Variants in GALNT17 observed in about 807,000 individuals in gnomAD.
GALNT17 encodes the protein polypeptide N-acetylgalactosaminyltransferase 17.
GALNT17 carries 29 observed loss-of-function variants against 63.7 expected under a neutral mutation model. That is an observed-to-expected ratio of 0.46 (90% CI 0.34 to 0.62). The LOEUF (loss-of-function observed/expected upper bound fraction) is 0.62, where lower values mean the gene tolerates loss of function less well. Ranked by LOEUF, GALNT17 falls within the 20% of genes least tolerant of loss-of-function variation. GALNT17 has a pLI of 0.01. For missense variants in GALNT17, 603 were observed against 799.6 expected (o/e 0.75, Z 2.97); for synonymous variants, 305 against 318.3 (o/e 0.96, Z 0.45).
At chr7:71,500,390 G>C (rs985745307) in intron 5 of GALNT17, among the ~76,000 whole-genome samples, 5 of 152,174 alleles carry the variant, frequency 3.3e-5, no homozygotes, top group African/African-American at 1.2e-4. Flanking sequence ...AGCTGAGGCA[G>C]ACCCTATTCG....
chr7:71,336,488 C>T (rs768597274), intron 2 of GALNT17, among the ~76,000 whole-genome samples: 27 of 152,154 alleles, frequency 1.8e-4, no homozygotes, highest in Admixed American at 3.3e-4. Context: ...GATTCTTACC[C>T]TTCTCCCTCC....
At chr7:71,444,725 G>T (rs1046612947) in intron 5 of GALNT17, among the ~76,000 whole-genome samples, 3 of 152,124 alleles carry the variant, frequency 2.0e-5, no homozygotes, top group Middle Eastern at 3.2e-3. Context: ...TACTCAGGAG[G>T]CTGAGGCAAG....
At chr7:71,507,282 A>G (rs533968976) in intron 5 of GALNT17, among the ~76,000 whole-genome samples, 3 of 152,322 alleles carry the variant, frequency 2.0e-5, no homozygotes, top group Non-Finnish European at 4.4e-5. Context: ...TCAACGCACC[A>G]AAAAGTCTAC....
At chr7:71,380,623 T>G (rs892181710) in intron 2 of GALNT17, among the ~76,000 whole-genome samples, 12 of 152,016 alleles carry the variant, frequency 7.9e-5, no homozygotes, top group South Asian at 4.2e-4. Context: ...ACCAACCCAG[T>G]TTTTTTACTT....
At chr7:71,322,054 C>G (rs1563001540) in intron 1 of GALNT17, among the ~76,000 whole-genome samples, 1 of 151,288 alleles carries the variant, frequency 6.6e-6, no homozygotes, top group Non-Finnish European at 1.5e-5. Flanking sequence ...TGAGCTTAAG[C>G]AGCTCTCTCA....
At chr7:71,292,664 AGAGAGTGT>A (rs67028852) in intron 1 of GALNT17, among the ~76,000 whole-genome samples, 6,933 of 113,496 alleles carry the variant, frequency 0.061, 161 homozygotes, top group Non-Finnish European at 0.076. Context: ...AGAGAGAGAG[AGAGAGTGT>A]GTGTGTGTGT....
At chr7:71,146,490 G>C (rs1426615318) in intron 1 of GALNT17, among the ~76,000 whole-genome samples, 2 of 152,184 alleles carry the variant, frequency 1.3e-5, no homozygotes, top group Admixed American at 1.3e-4. Flanking sequence ...CCACAAAGAA[G>C]CAGATAAATT....
At chr7:71,257,298 T>C (rs902011433) in intron 1 of GALNT17, among the ~76,000 whole-genome samples, 1 of 152,188 alleles carries the variant, frequency 6.6e-6, no homozygotes, top group African/African-American at 2.4e-5. Flanking sequence ...TAATTAACCA[T>C]CTGGAACAGA....
At chr7:71,555,226 T>C (rs1014336738) in intron 5 of GALNT17, among the ~76,000 whole-genome samples, 1 of 139,804 alleles carries the variant, frequency 7.2e-6, no homozygotes, top group Non-Finnish European at 1.6e-5. Flanking sequence ...TCACATTTCA[T>C]CATGAGATTT....
chr7:71,630,744 A>G (rs1235234110), intron 6 of GALNT17, among the ~76,000 whole-genome samples: 1 of 152,256 alleles, frequency 6.6e-6, no homozygotes, highest in African/African-American at 2.4e-5. Context: ...GAATTCAGCA[A>G]GAGCTGAAAA....
chr7:71,187,189 A>C (rs1031057829), intron 1 of GALNT17, among the ~76,000 whole-genome samples: 1 of 152,082 alleles, frequency 6.6e-6, no homozygotes, highest in African/African-American at 2.4e-5. Context: ...GCAGGATCAT[A>C]AGTCACTGCA....
chr7:71,613,651 G>A (rs934812288), intron 6 of GALNT17, among the ~76,000 whole-genome samples: 2 of 152,066 alleles, frequency 1.3e-5, no homozygotes, highest in Non-Finnish European at 2.9e-5. Flanking sequence ...CTCTGTCTTT[G>A]TTGGCTCCAG....
At chr7:71,390,037 T>C (rs953511792) in intron 3 of GALNT17, among the ~76,000 whole-genome samples, 3 of 152,112 alleles carry the variant, frequency 2.0e-5, no homozygotes, top group Non-Finnish European at 4.4e-5. Flanking sequence ...CAAAATTCAG[T>C]GTGCTCACTG....
chr7:71,370,553 C>T (rs567119218), intron 2 of GALNT17, among the ~76,000 whole-genome samples: 5 of 151,250 alleles, frequency 3.3e-5, no homozygotes, highest in South Asian at 4.2e-4. Flanking sequence ...TGTGTGATCT[C>T]GGCTCACTGC....
intron 1 of GALNT17, among the ~76,000 whole-genome samples, chr7:71,234,352 C>T (rs1248842448): frequency 6.6e-6 from 1 of 152,110 alleles, no homozygotes; most frequent in Non-Finnish European, 1.5e-5. Context: ...ACCTCTGCCT[C>T]CCAGGTTCAA....
intron 1 of GALNT17, among the ~76,000 whole-genome samples, chr7:71,333,987 G>A (rs1053639214): frequency 6.6e-6 from 1 of 152,176 alleles, no homozygotes; most frequent in Admixed American, 6.5e-5. Context: ...ACATCAGTGT[G>A]GAAGCAGATT....
intron 5 of GALNT17, among the ~76,000 whole-genome samples, chr7:71,570,309 T>C (rs1215544453): frequency 6.6e-6 from 1 of 152,182 alleles, no homozygotes; most frequent in Non-Finnish European, 1.5e-5. Flanking sequence ...TTGCCATTTA[T>C]GATGGATACC....
intron 1 of GALNT17, among the ~76,000 whole-genome samples, chr7:71,205,354 A>T (rs1057176942): frequency 6.6e-6 from 1 of 151,788 alleles, no homozygotes; most frequent in Non-Finnish European, 1.5e-5. Flanking sequence ...GCATTCCACC[A>T]TGTTGGCCAG....
chr7:71,632,171 T>C, intron 6 of GALNT17, among the ~76,000 whole-genome samples: 1 of 152,052 alleles, frequency 6.6e-6, no homozygotes, highest in Non-Finnish European at 1.5e-5. Flanking sequence ...ACAAGGACCA[T>C]TAAGGCTCAA....
Sources: gnomAD v4.1 joint callset for allele counts (sites outside exome capture counted in the v4.1 genomes callset) on GRCh38, gnomAD v4.1.1 for gene constraint, MANE v1.5 for transcripts, NCBI Gene and HGNC (gene_info 2026-07-23, HGNC 2026-07-21) for gene names.